Variants in SLU7 observed in about 807,000 individuals in gnomAD.
The protein encoded by SLU7 is spliceosome associated SLU7.
In SLU7, 60 loss-of-function variants were observed where a neutral mutation model predicts 87.0. The ratio of observed to expected loss-of-function variants is 0.69; its 90% CI spans 0.56 to 0.86. The LOEUF is 0.86. Ranked by LOEUF, SLU7 falls within the 40% of genes least tolerant of loss-of-function variation. The pLI, the probability that SLU7 is intolerant of heterozygous loss-of-function variation, is 0.00. For missense variants in SLU7, 507 were observed against 686.6 expected (o/e 0.74, Z 2.92); for synonymous variants, 197 against 222.0 (o/e 0.89, Z 1.00).
chr5:160,409,861 A>C (rs551677608), intron 6 of SLU7, among the ~76,000 whole-genome samples: 6 of 152,304 alleles, frequency 3.9e-5, no homozygotes, highest in Admixed American at 2.6e-4. Flanking sequence ...TATTTATTCA[A>C]GACAGTCTGA....
At chr5:160,417,705 T>G (rs1488116701) in intron 1 of SLU7, among the ~76,000 whole-genome samples, 1 of 144,884 alleles carries the variant, frequency 6.9e-6, no homozygotes, top group African/African-American at 2.6e-5. Flanking sequence ...GACAGGAGAA[T>G]CACCTGAACC....
chr5:160,407,773 C>T lies in SLU7; in HGVS notation c.958G>A (p.Asp320Asn). 6.2e-7 allele frequency: 1 copy of T among 1,613,242 alleles called. No individual in the cohort carries two copies. Among genetic ancestry groups the T allele is most frequent in the Non-Finnish European group, 8.5e-7 (1 of 1,179,248 alleles). The part of the protein sequence containing the change: ...AGDNFVRYTG[D>N]TISMAQTQLF... ...TGTGTCTGAGCCATTGAAATGGTAT[C>T]TCCTGTGTACCTAACAAAGTTATCT... Residue 320 changes from aspartate (D) to asparagine (N), a missense_variant, in exon 10 of 16, where the codon GAT becomes AAT. Transcript: ENST00000297151. This position sits in a 1 kb window ranked among gnomAD's most constrained non-coding sequence, Gnocchi z 4.2.
rs1471296988 is a variant in SLU7, at chr5:160,403,370, C to T, written c.1676G>A (p.Arg559Gln). 9.9e-6 allele frequency: 16 copies of T among 1,613,282 alleles called. No individual in the cohort carries two copies. Among genetic ancestry groups the T allele is most frequent in the East Asian group, 2.2e-5 (1 of 44,826 alleles). ...CTCCATTTCCTCTTCAGTAGGTTCT[C>T]GAGTTTCATACATGCTATTGTAAGG... ...KRPYNSMYETREPTEEEMEAY... is the reference protein window; with the variant it reads ...KRPYNSMYETQEPTEEEMEAY... The change falls in exon 16 of 16, where the codon CGA becomes CAA. Residue 559 changes from arginine to glutamine, a missense_variant. Around this residue, in one of 6 missense-constraint regions of SLU7, gnomAD observed 201 missense variants for 213.4 expected, o/e 0.94. Transcript: ENST00000297151.
intron 2 of SLU7, among the ~76,000 whole-genome samples, 174 bp downstream of exon 2, chr5:160,414,951 A>T (rs564094165): frequency 6.6e-6 from 1 of 152,358 alleles, no homozygotes; most frequent in Non-Finnish European, 1.5e-5. Context: ...ATTCATTATA[A>T]GCCCTTCAAC....
rs749029891 is a variant in SLU7, at chr5:160,407,863, T to A, written c.918-50A>T. On this transcript the variant is annotated intron_variant, in intron 9 of 15. Transcript: ENST00000297151. The surrounding 1 kb of genome is among the most constrained non-coding windows in gnomAD (Gnocchi z 4.2). ...TTTCAGAGATTGATTTAAGGAAAATTAATTCGTAAAACTGAATCTGAATTA... is the reference window on the plus strand; with the variant it reads ...TTTCAGAGATTGATTTAAGGAAAATAAATTCGTAAAACTGAATCTGAATTA... The A allele has an allele frequency of 5.2e-6, 8 of 1,528,038 alleles. No homozygotes were observed. The highest frequency in any genetic ancestry group is 7.2e-6 in the Non-Finnish European group (8 of 1,104,476). The allele number at this position is 1,528,038 out of a possible 1,614,324, so 94.7% of individuals were successfully genotyped here. A position where few individuals can be genotyped will look rare whatever the true frequency, so the allele number is the denominator to read the frequency against.
rs1765407101 is a variant in SLU7 at position 160,415,366 on chromosome 5, A to T, written c.-16-56T>A. 2.3e-6 allele frequency: 3 copies of T among 1,295,532 alleles called. No individual in the cohort carries two copies. In the African/African-American group the frequency reaches 4.5e-5, roughly 19 times the overall value. 80.3% of individuals were successfully genotyped at this position (1,295,532 alleles called of 1,614,324 possible). A position where few individuals can be genotyped will look rare whatever the true frequency, so the allele number is the denominator to read the frequency against. ...AGTAGGCCTTCATGAATTCACTCAA[A>T]CTACCAAAAATACATCCTAATAATA... On this transcript the variant is annotated intron_variant, in intron 1 of 15. Coordinates refer to ENST00000297151, the MANE Select transcript of SLU7 (RefSeq NM_006425.5).
intron 13 of SLU7, 45 bp downstream of exon 13, chr5:160,404,986 G>T: frequency 6.5e-7 from 1 of 1,544,948 alleles, no homozygotes; most frequent in Non-Finnish European, 8.9e-7. Flanking sequence ...TGACTTAGGA[G>T]CTTCGGTTGT....
chr5:160,402,461 TTGTC>T lies in SLU7; in HGVS notation c.*820_*823del, dbSNP rs1224571127. 3 of 152,140 alleles carry T rather than the reference TTGTC, an allele frequency of 2.0e-5. No individual in the cohort carries two copies. Among genetic ancestry groups the T allele is most frequent in the Admixed American group, 1.3e-4 (2 of 15,276 alleles). 9.4% of individuals were successfully genotyped at this position (152,140 alleles called of 1,614,324 possible). A position where few individuals can be genotyped will look rare whatever the true frequency, so the allele number is the denominator to read the frequency against. ...CCCAAGACTGCAGGGCATTATGACTTTGTCTGTGAAAAGCCACTGCTCTCTAGCC... is the reference window on the plus strand; with the variant it reads ...CCCAAGACTGCAGGGCATTATGACTTTGTGAAAAGCCACTGCTCTCTAGCC... On this transcript the variant is annotated 3_prime_UTR_variant, in exon 16 of 16. Coordinates refer to ENST00000297151, the MANE Select transcript of SLU7 (RefSeq NM_006425.5).
rs1765400900 is a variant in SLU7 at position 160,415,249 on chromosome 5, C to T, written c.46G>A (p.Gly16Arg). ...VDAVNAAPLS[G>R]SKEMSLEEPK... ...TCTTCCAAACTCATTTCTTTGGACC[C>T]CGATAGGGGTGCAGCATTAACTGCA... The change falls in exon 2 of 16, where the codon GGG becomes AGG. Residue 16 changes from glycine to arginine, a missense_variant. Gly to Arg is a moderately radical substitution (Grantham distance 125). Coordinates refer to ENST00000297151, the MANE Select transcript of SLU7 (RefSeq NM_006425.5). The T allele has an allele frequency of 6.2e-7, 1 of 1,610,816 alleles. No individual in the cohort carries two copies. Among genetic ancestry groups the T allele is most frequent in the Admixed American group, 1.7e-5 (1 of 59,354 alleles).
chr5:160,408,454 C>A lies in SLU7; in HGVS notation c.694G>T (p.Asp232Tyr), dbSNP rs758225558. The A allele has an allele frequency of 3.2e-4, 510 of 1,591,422 alleles. No homozygotes were observed. The highest frequency in any genetic ancestry group is 4.2e-4 in the Non-Finnish European group (496 of 1,168,650). ...EEEPNSQMEK[D>Y]HNSEDEDEDK... ...TCATCCTCATCTTCACTATTATGAT[C>A]TTTTTCCTAAAAGAGGGAGAGGAAG... The change falls in exon 8 of 16, where the codon GAT (aspartate) becomes TAT (tyrosine). Residue 232 changes from aspartate (D) to tyrosine (Y), a missense_variant. Physicochemically the swap from Asp to Tyr is radical, Grantham distance 160 (BLOSUM62 -3). Coordinates refer to ENST00000297151, the MANE Select transcript of SLU7 (RefSeq NM_006425.5).
chr5:160,404,772 G>C, intron 14 of SLU7, 37 bp downstream of exon 14: 2 of 1,431,204 alleles, frequency 1.4e-6, no homozygotes, highest in East Asian at 4.5e-5. Flanking sequence ...CCTCCCTCCA[G>C]GACTTAAAAA....
chr5:160,413,753 G>A, intron 4 of SLU7, 133 bp from the exon 5 acceptor site: 8 of 972,312 alleles, frequency 8.2e-6, no homozygotes, highest in Non-Finnish European at 1.2e-5. Context: ...AAATTTTGTT[G>A]GTGTTGAACC....
rs747175667 is a variant in SLU7, at chr5:160,405,104, C to T, written c.1319G>A (p.Arg440Gln). ...HIWGSYWKEG[R>Q]WGYKCCHSFF... ...AGAGTGACAGCATTTGTATCCCCATCGGCCTTCTTTCCAGTACGATCCCCA... is the reference window on the plus strand; with the variant it reads ...AGAGTGACAGCATTTGTATCCCCATTGGCCTTCTTTCCAGTACGATCCCCA... Residue 440 changes from arginine (R) to glutamine (Q), a missense_variant, in exon 13 of 16, where the codon CGA becomes CAA. By Grantham distance (43) the Arg-to-Gln change is conservative (BLOSUM62 1). This residue lies in a region of SLU7 where 201 missense variants were observed against 213.4 expected (regional missense o/e 0.94). Coordinates refer to ENST00000297151, the MANE Select transcript of SLU7 (RefSeq NM_006425.5). The T allele has an allele frequency of 1.2e-5, 20 of 1,613,436 alleles. No individual in the cohort carries two copies. The highest frequency in any genetic ancestry group is 4.0e-5 in the African/African-American group (3 of 74,900).
In SLU7 at chr5:160,406,611, A is replaced by G; in HGVS notation, c.1144T>C (p.Leu382=). Residue 382 remains leucine (L), a synonymous_variant, in exon 12 of 16, where the codon TTG becomes CTG. Transcript: ENST00000297151. ...AGCAATTCAGCTGGAGGGGCATCCA[A>G]ATGTTCTTGGCCACCATACTAAAAG... ...ILEKYGGQEH[L]DAPPAELLLA... 6.2e-6 allele frequency: 10 copies of G among 1,609,758 alleles called. No homozygotes were observed. The highest frequency in any genetic ancestry group is 8.5e-6 in the Non-Finnish European group (10 of 1,178,334).
At chr5:160,405,714 G>A (rs944689622) in intron 12 of SLU7, among the ~76,000 whole-genome samples, 2 of 152,120 alleles carry the variant, frequency 1.3e-5, no homozygotes, top group African/African-American at 4.8e-5. Context: ...ATCCAATCAA[G>A]CCGTTAGACC....
chr5:160,403,563 C>T, intron 15 of SLU7, 99 bp from the exon 16 acceptor site: 1 of 1,043,984 alleles, frequency 9.6e-7, no homozygotes, highest in Non-Finnish European at 1.3e-6. Flanking sequence ...ATATGAACTG[C>T]TCTATCAAAA....
In SLU7 at chr5:160,406,599, G is replaced by C; in HGVS notation, c.1156C>G (p.Pro386Ala). 1.2e-6 allele frequency: 2 copies of C among 1,611,668 alleles called. No homozygotes were observed. The highest frequency in any genetic ancestry group is 1.7e-6 in the Non-Finnish European group (2 of 1,179,020). The change falls in exon 12 of 16, where the codon CCA becomes GCA. Residue 386 changes from proline (P) to alanine (A), a missense_variant. Physicochemically the swap from Pro to Ala is conservative, Grantham distance 27. Around this residue, in one of 6 missense-constraint regions of SLU7, gnomAD observed 43 missense variants for 58.4 expected, o/e 0.74. Transcript: ENST00000297151. ...YGGQEHLDAPPAELLLAQTED... is the reference protein window; with the variant it reads ...YGGQEHLDAPAAELLLAQTED... The stretch of plus-strand genomic sequence containing the variant: ...GTCTGGGCTAAAAGCAATTCAGCTG[G>C]AGGGGCATCCAAATGTTCTTGGCCA...
Position 160,405,083 on chromosome 5 carries a change from T to C in SLU7, c.1340A>G (p.His447Arg). 6.2e-7 allele frequency: 1 copy of C among 1,613,808 alleles called. No individual in the cohort carries two copies. Among genetic ancestry groups the C allele is most frequent in the Non-Finnish European group, 8.5e-7 (1 of 1,179,806 alleles). The change falls in exon 13 of 16, where the codon CAC (histidine) becomes CGC (arginine). Residue 447 changes from histidine (H) to arginine (R), a missense_variant. His to Arg is a conservative substitution (Grantham distance 29). Transcript: ENST00000297151. ...ACAATAGGAATACTTGAAAAAAGAG[T>C]GACAGCATTTGTATCCCCATCGGCC... ...KEGRWGYKCC[H>R]SFFKYSYCTG...
At chr5:160,414,985 G>A (rs1352826799) in intron 2 of SLU7, 140 bp downstream of exon 2, 3 of 649,712 alleles carry the variant, frequency 4.6e-6, no homozygotes, top group Non-Finnish European at 5.1e-6. Context: ...TAAACCATAT[G>A]CATATGAGTT....
Sources: gnomAD v4.1 joint callset for allele counts (sites outside exome capture counted in the v4.1 genomes callset) on GRCh38, gnomAD v4.1.1 for gene constraint, gnomAD v4.1.1 regional missense constraint, Gnocchi (gnomAD v3.1) non-coding constraint, MANE v1.5 for transcripts, NCBI Gene and HGNC (gene_info 2026-07-23, HGNC 2026-07-21) for gene names.